Variants in MEGF8 observed in about 807,000 individuals in gnomAD.
MEGF8 encodes the protein multiple EGF like domains 8, also known as multiple epidermal growth factor-like domains protein 8.
Under a neutral mutation model 302.9 loss-of-function variants are expected in MEGF8, and 156 were observed. That is an observed-to-expected ratio of 0.52 (90% CI 0.45 to 0.59). The LOEUF (loss-of-function observed/expected upper bound fraction) is 0.59. Among genes scored for constraint, MEGF8 ranks in the 20% least tolerant of loss-of-function variants. The pLI, the probability that MEGF8 is intolerant of heterozygous loss-of-function variation, is 0.00. For synonymous variants in MEGF8, 1,621 were observed against 1,660.5 expected (o/e 0.98, Z 0.58); for missense variants, 3,345 against 3,964.5 (o/e 0.84, Z 4.20).
chr19:42,368,883 G>A lies in MEGF8; in HGVS notation c.6522G>A (p.Leu2174=). 1.2e-6 allele frequency: 2 copies of A among 1,613,880 alleles called. No individual in the cohort carries two copies. Among genetic ancestry groups the A allele is most frequent in the Non-Finnish European group, 1.7e-6 (2 of 1,179,868 alleles). The part of the protein sequence containing the change: ...CGRPGASWAF[L]SCPPEDECAN... ...GTCCGGGGGCCTCCTGGGCCTTCCT[G>A]TCCTGCCCCCCTGAGGACGAGTGTG... The change falls in exon 37 of 42, where the codon CTG becomes CTA. Residue 2174 remains leucine (L), a synonymous_variant. Transcript: ENST00000251268. This position sits in a 1 kb window ranked among gnomAD's most constrained non-coding sequence, Gnocchi z 4.9.
At chr19:42,343,922 G>A (rs1243148155) in intron 9 of MEGF8, 32 bp from the exon 10 acceptor site, 1 of 1,604,426 alleles carries the variant, frequency 6.2e-7, no homozygotes, top group Non-Finnish European at 8.5e-7. Flanking sequence ...CCGTCCCCTT[G>A]CCTCCCCCTC....
At chr19:42,333,911 T>C (rs1341976441) in intron 2 of MEGF8, 96 bp from the exon 3 acceptor site, 2 of 1,518,674 alleles carry the variant, frequency 1.3e-6, no homozygotes, top group Non-Finnish European at 1.8e-6. Flanking sequence ...GATGAGGCTC[T>C]GGGTCCCCCA....
chr19:42,353,487 C>T lies in MEGF8; in HGVS notation c.3573C>T (p.Cys1191=), dbSNP rs754228625. 7.5e-6 allele frequency: 12 copies of T among 1,610,572 alleles called. No individual in the cohort carries two copies. Among genetic ancestry groups the T allele is most frequent in the Middle Eastern group, 1.9e-4 (1 of 5,320 alleles). ...ECQDWTWGEH[C]ERCRPGSFGN... ...CAGACTGGACATGGGGGGAGCACTG[C>T]GAACGATGCCGGCCCGGCAGCTTCG... Residue 1191 remains cysteine, a synonymous_variant, in exon 21 of 42, where the codon TGC becomes TGT. Coordinates refer to ENST00000251268, the MANE Select transcript of MEGF8 (RefSeq NM_001271938.2). This position sits in a 1 kb window ranked among gnomAD's most constrained non-coding sequence, Gnocchi z 6.1.
intron 31 of MEGF8, among the ~76,000 whole-genome samples, chr19:42,360,566 A>G (rs547329224): frequency 6.6e-5 from 10 of 151,960 alleles, no homozygotes; most frequent in Admixed American, 2.0e-4. Context: ...GCTGGTCTTA[A>G]ACTCCTGGGC....
chr19:42,369,674 CTGG>C lies in MEGF8; in HGVS notation c.6788_6790del (p.Gly2263del), dbSNP rs1351675962. ...CGCTGCAACCGCCACAGTGAATGCG[CTGG>C]TGTTGGGGCGCGTGACCACTGCTTG... is the stretch of plus-strand genomic sequence containing the variant. On this transcript the variant is annotated inframe_deletion, in exon 38 of 42. Coordinates refer to ENST00000251268, the MANE Select transcript of MEGF8 (RefSeq NM_001271938.2). This position sits in a 1 kb window ranked among gnomAD's most constrained non-coding sequence, Gnocchi z 5.7. 1.2e-6 allele frequency: 2 copies of C among 1,612,668 alleles called. No homozygotes were observed. Among genetic ancestry groups the C allele is most frequent in the Non-Finnish European group, 1.7e-6 (2 of 1,179,690 alleles).
At position 42,358,942 on chromosome 19, in the gene MEGF8, T is replaced by A; in HGVS notation, c.5331T>A (p.Pro1777=). The A allele has an allele frequency of 6.2e-7, 1 of 1,609,948 alleles. No individual in the cohort carries two copies. Residue 1777 remains proline (P), a synonymous_variant, in exon 30 of 42, where the codon CCT becomes CCA. Coordinates refer to ENST00000251268, the MANE Select transcript of MEGF8 (RefSeq NM_001271938.2). The surrounding 1 kb of genome is among the most constrained non-coding windows in gnomAD (Gnocchi z 4.4). ...GTGGFLEEIS[P]HLKEPRPRLF... is the part of the protein sequence containing the mutation. ...GAGGTTTCCTGGAGGAAATCTCACC[T>A]CACCTGAAGGAGGTGAGATTTGAAG... is the stretch of plus-strand genomic sequence containing the variant.
Position 42,344,107 on chromosome 19 carries a change from CAT to C in MEGF8, c.1788+36_1788+37del, listed in dbSNP as rs1271374985. The C allele has an allele frequency of 6.2e-7, 1 of 1,607,034 alleles. No individual in the cohort carries two copies. The highest frequency in any genetic ancestry group is 1.3e-5 in the African/African-American group (1 of 74,768). ...CAGCCCTAGACCCTCTGTTCCCTAG[CAT>C]AGAGACCTGCCCTCAGTGTCTCCCT... On this transcript the variant is annotated intron_variant, in intron 10 of 41. Coordinates refer to ENST00000251268, the MANE Select transcript of MEGF8 (RefSeq NM_001271938.2). This position sits in a 1 kb window ranked among gnomAD's most constrained non-coding sequence, Gnocchi z 4.5.
chr19:42,333,261 G>A (rs2039078580), intron 1 of MEGF8, among the ~76,000 whole-genome samples: 1 of 152,210 alleles, frequency 6.6e-6, no homozygotes, highest in Non-Finnish European at 1.5e-5. Context: ...GAGGCATCAG[G>A]AACACTGGAT....
rs747798007 is a variant in MEGF8 at position 42,334,119 on chromosome 19, C to T, written c.464C>T (p.Pro155Leu). 2.6e-5 allele frequency: 42 copies of T among 1,612,646 alleles called. 1 individual carries two copies. Among genetic ancestry groups the T allele is most frequent in the East Asian group, 2.5e-4 (11 of 44,884 alleles). The part of the protein sequence containing the change: ...GCQSHGQCQP[P>L]GVCACEPGWG... ...CAGAGCCACGGGCAGTGCCAGCCAC[C>T]GGGTGTGTGTGCCTGCGAGCCGGGC... Residue 155 changes from proline to leucine, a missense_variant, in exon 3 of 42, where the codon CCG (proline) becomes CTG (leucine). Physicochemically the swap from Pro to Leu is moderately conservative, Grantham distance 98 (BLOSUM62 -3). Coordinates refer to ENST00000251268, the MANE Select transcript of MEGF8 (RefSeq NM_001271938.2).
In MEGF8 at chr19:42,344,860, G is replaced by A. The variant is rs779536384; in HGVS notation, c.2097+27G>A. On this transcript the variant is annotated intron_variant, in intron 12 of 41. Coordinates refer to ENST00000251268, the MANE Select transcript of MEGF8 (RefSeq NM_001271938.2). This position sits in a 1 kb window ranked among gnomAD's most constrained non-coding sequence, Gnocchi z 4.5. ...TGGGTAGGAGGCGTGGCCCTGGGTG[G>A]GGTGTTGATGATCCTGATCCTAGGG... is the stretch of plus-strand genomic sequence containing the variant. The A allele has an allele frequency of 1.3e-6, 2 of 1,516,024 alleles. No individual in the cohort carries two copies. Among genetic ancestry groups the A allele is most frequent in the Admixed American group, 4.3e-5 (2 of 46,856 alleles). The allele number at this position is 1,516,024 out of a possible 1,614,324, so 93.9% of individuals were successfully genotyped here.
chr19:42,375,934 T>C lies in MEGF8; in HGVS notation c.7697T>C (p.Val2566Ala), dbSNP rs2039762135. 2.5e-6 allele frequency: 4 copies of C among 1,603,726 alleles called. No homozygotes were observed. The highest frequency in any genetic ancestry group is 1.7e-6 in the Non-Finnish European group (2 of 1,175,400). ...SGPGAPAEPR[V>A]REVWPRGLIT... The stretch of plus-strand genomic sequence containing the variant: ...CCGGGCGCCCCAGCAGAGCCACGGG[T>C]ACGGGAGGTATGGCCGCGGGGCCTG... Residue 2566 changes from valine (V) to alanine (A), a missense_variant, in exon 42 of 42, where the codon GTA (valine) becomes GCA (alanine). Coordinates refer to ENST00000251268, the MANE Select transcript of MEGF8 (RefSeq NM_001271938.2). This position sits in a 1 kb window ranked among gnomAD's most constrained non-coding sequence, Gnocchi z 7.1.
intron 35 of MEGF8, among the ~76,000 whole-genome samples, chr19:42,365,684 A>G (rs1447791119): frequency 2.8e-5 from 4 of 142,040 alleles, no homozygotes; most frequent in Admixed American, 1.4e-4. Flanking sequence ...AGGTGGGAGG[A>G]TCACTTGTGT....
At chr19:42,328,918 A>G (rs2039020609) in intron 1 of MEGF8, among the ~76,000 whole-genome samples, 1 of 152,076 alleles carries the variant, frequency 6.6e-6, no homozygotes, top group African/African-American at 2.4e-5. Flanking sequence ...TTCAGCCCCC[A>G]GTGTGTTCAC....
rs757386800 is a variant in MEGF8, at chr19:42,352,457, G to C, written c.3350+1G>C. ...ATGGCATCTCACACTGCAACCGCAC[G>C]TGAGTGAGGCGGGGGTTGCTATGGA... On this transcript the variant is annotated splice_donor_variant, in intron 19 of 41. Transcript: ENST00000251268. LOFTEE classifies it high-confidence loss of function. The surrounding 1 kb of genome is among the most constrained non-coding windows in gnomAD (Gnocchi z 4.4). 1.3e-6 allele frequency: 2 copies of C among 1,589,046 alleles called. No homozygotes were observed. Among genetic ancestry groups the C allele is most frequent in the Non-Finnish European group, 1.7e-6 (2 of 1,165,350 alleles).
intron 8 of MEGF8, among the ~76,000 whole-genome samples, chr19:42,339,381 AT>A (rs2039181130): frequency 6.6e-6 from 1 of 152,236 alleles, no homozygotes; most frequent in South Asian, 2.1e-4. Flanking sequence ...CGCATGTGTT[AT>A]TTTTTGACTT....
Position 42,375,662 on chromosome 19 carries a change from T to C in MEGF8, c.7425T>C (p.Thr2475=). ...PKRRALGPGR[T]VLFGVQPKFT... ...GCCGGGCGCTAGGCCCCGGCCGCAC[T>C]GTCCTCTTTGGCGTGCAGCCCAAAT... The change falls in exon 42 of 42, where the codon ACT becomes ACC. Residue 2475 remains threonine (T), a synonymous_variant. Coordinates refer to ENST00000251268, the MANE Select transcript of MEGF8 (RefSeq NM_001271938.2). The surrounding 1 kb of genome is among the most constrained non-coding windows in gnomAD (Gnocchi z 7.1). 1.9e-6 allele frequency: 3 copies of C among 1,610,752 alleles called. No individual in the cohort carries two copies. Among genetic ancestry groups the C allele is most frequent in the South Asian group, 1.1e-5 (1 of 90,304 alleles).
intron 1 of MEGF8, among the ~76,000 whole-genome samples, chr19:42,327,036 T>C (rs1212642430): frequency 6.6e-6 from 1 of 152,200 alleles, no homozygotes; most frequent in African/African-American, 2.4e-5. Flanking sequence ...TTTGAGCAGG[T>C]GGTTTTCTTT....
rs1293130153 is a variant in MEGF8 at position 42,356,269 on chromosome 19, C to T, written c.4504-66C>T. On this transcript the variant is annotated intron_variant, in intron 25 of 41. Coordinates refer to ENST00000251268, the MANE Select transcript of MEGF8 (RefSeq NM_001271938.2). This position sits in a 1 kb window ranked among gnomAD's most constrained non-coding sequence, Gnocchi z 5.2. ...CCCACCTCCATTCCTGGGACCACCCCTACACCCAGGCCTGGCACTTTGTCC... is the reference window on the plus strand; with the variant it reads ...CCCACCTCCATTCCTGGGACCACCCTTACACCCAGGCCTGGCACTTTGTCC... 29 of 1,548,596 alleles carry T rather than the reference C, an allele frequency of 1.9e-5. No homozygotes were observed. The highest frequency in any genetic ancestry group is 2.4e-5 in the Non-Finnish European group (27 of 1,145,638).
Position 42,368,679 on chromosome 19 carries a change from C to T in MEGF8, c.6481+17C>T. The T allele has an allele frequency of 1.3e-6, 2 of 1,533,422 alleles. No individual in the cohort carries two copies. Among genetic ancestry groups the T allele is most frequent in the Admixed American group, 2.0e-5 (1 of 49,084 alleles). 95.0% of individuals were successfully genotyped at this position (1,533,422 alleles called of 1,614,324 possible). ...CCCGTGATGGTGAGAGGGCTTTGGG[C>T]ACTGGGGGAGAGGGGCTGGCCCTTG... On this transcript the variant is annotated intron_variant, in intron 36 of 41. Transcript: ENST00000251268. This position sits in a 1 kb window ranked among gnomAD's most constrained non-coding sequence, Gnocchi z 4.9.
Sources: gnomAD v4.1 joint callset for allele counts (sites outside exome capture counted in the v4.1 genomes callset) on GRCh38, gnomAD v4.1.1 for gene constraint, Gnocchi (gnomAD v3.1) non-coding constraint, MANE v1.5 for transcripts, NCBI Gene and HGNC (gene_info 2026-07-23, HGNC 2026-07-21) for gene names.